Variants in PPARGC1A observed in about 807,000 individuals in gnomAD.
The protein encoded by PPARGC1A is PPARG coactivator 1 alpha.
Under a neutral mutation model 88.7 loss-of-function variants are expected in PPARGC1A, and 25 were observed. The ratio of observed to expected loss-of-function variants is 0.28; its 90% confidence interval spans 0.21 to 0.39. PPARGC1A has a LOEUF of 0.39. Ranked by LOEUF, PPARGC1A falls within the 10% of genes least tolerant of loss-of-function variation. PPARGC1A has a pLI of 1.00. For missense variants in PPARGC1A, 880 were observed against 968.7 expected (o/e 0.91, Z 1.22); for synonymous variants, 363 against 355.6 (o/e 1.02, Z -0.24).
the PPARGC1A span, among the ~76,000 whole-genome samples, chr4:23,938,320 C>T: frequency 6.6e-6 from 1 of 152,176 alleles, no homozygotes; most frequent in Non-Finnish European, 1.5e-5. Flanking sequence ...GGTACACTTC[C>T]TCATTTAGAA....
the PPARGC1A span, among the ~76,000 whole-genome samples, chr4:24,452,553 C>T: frequency 6.6e-6 from 1 of 152,228 alleles, no homozygotes; most frequent in African/African-American, 2.4e-5. Context: ...CTAGGCCACA[C>T]ATTCACCACT....
chr4:24,141,954 C>T, the PPARGC1A span, among the ~76,000 whole-genome samples: 2 of 152,180 alleles, frequency 1.3e-5, no homozygotes. Flanking sequence ...ACTCAAAAAC[C>T]GTGGCATCCA....
At chr4:23,933,304 G>A in the PPARGC1A span, among the ~76,000 whole-genome samples, 14 of 152,186 alleles carry the variant, frequency 9.2e-5, no homozygotes, top group Admixed American at 9.2e-4. Context: ...TATGTAGAAA[G>A]AAAAGTCCTC....
the PPARGC1A span, among the ~76,000 whole-genome samples, chr4:24,162,769 T>C: frequency 6.6e-6 from 1 of 151,878 alleles, no homozygotes; most frequent in Admixed American, 6.6e-5. Flanking sequence ...TTTTTGTATT[T>C]TTTTAGTAGA....
At chr4:24,133,034 C>T in the PPARGC1A span, among the ~76,000 whole-genome samples, 1 of 152,056 alleles carries the variant, frequency 6.6e-6, no homozygotes, top group Non-Finnish European at 1.5e-5. Context: ...GGTCTAAAAG[C>T]AAGAGATTTA....
chr4:23,832,159 C>T (rs1285960115), intron 2 of PPARGC1A, among the ~76,000 whole-genome samples: 1 of 152,146 alleles, frequency 6.6e-6, no homozygotes, highest in Non-Finnish European at 1.5e-5. Flanking sequence ...TTTGAATCTC[C>T]TATACAGCAT....
the PPARGC1A span, among the ~76,000 whole-genome samples, chr4:24,093,557 G>A: frequency 6.6e-6 from 1 of 152,142 alleles, no homozygotes; most frequent in Non-Finnish European, 1.5e-5. Flanking sequence ...AAGGCCAGAA[G>A]ACCAAGTTTC....
chr4:23,809,954 G>A (rs1720570203), intron 10 of PPARGC1A, among the ~76,000 whole-genome samples: 1 of 152,034 alleles, frequency 6.6e-6, no homozygotes, highest in Non-Finnish European at 1.5e-5. Flanking sequence ...CCTTATAATA[G>A]CACTTATCAC....
At chr4:23,883,546 TG>T (rs1382767946) in intron 2 of PPARGC1A, 1 of 152,194 alleles carries the variant, frequency 6.6e-6, no homozygotes, top group Non-Finnish European at 1.5e-5. Flanking sequence ...CTGTGTGATT[TG>T]GGGAAAACAA....
chr4:24,449,764 A>T, the PPARGC1A span, among the ~76,000 whole-genome samples: 1 of 152,228 alleles, frequency 6.6e-6, no homozygotes, highest in Non-Finnish European at 1.5e-5. Flanking sequence ...ATACCACTCT[A>T]TATTAAATAC....
the PPARGC1A span, among the ~76,000 whole-genome samples, chr4:24,395,245 A>T: frequency 6.6e-6 from 1 of 152,226 alleles, no homozygotes; most frequent in Non-Finnish European, 1.5e-5. Context: ...ATCCAAACTG[A>T]TTTTTAATGA....
At chr4:23,883,615 C>A (rs573776903) in intron 2 of PPARGC1A, 1 of 152,094 alleles carries the variant, frequency 6.6e-6, no homozygotes, top group African/African-American at 2.4e-5. Flanking sequence ...AACAATAGGA[C>A]CTAACAATAG....
the PPARGC1A span, among the ~76,000 whole-genome samples, chr4:24,105,143 A>G: frequency 1.3e-5 from 2 of 152,248 alleles, no homozygotes; most frequent in Non-Finnish European, 2.9e-5. Flanking sequence ...TTCTGGCAGA[A>G]AGGCTTGATT....
chr4:24,086,323 C>T, the PPARGC1A span, among the ~76,000 whole-genome samples: 2 of 152,192 alleles, frequency 1.3e-5, no homozygotes, highest in Admixed American at 6.5e-5. Flanking sequence ...CCTCTTTAGA[C>T]TTATGTACCA....
chr4:23,878,008 T>A (rs1460086345), intron 2 of PPARGC1A: 1 of 152,218 alleles, frequency 6.6e-6, no homozygotes, highest in African/African-American at 2.4e-5. Context: ...TACACTATTA[T>A]CTTTGAAGTA....
At chr4:24,064,796 C>T in the PPARGC1A span, among the ~76,000 whole-genome samples, 1 of 152,162 alleles carries the variant, frequency 6.6e-6, no homozygotes, top group South Asian at 2.1e-4. Flanking sequence ...ATATGTGCAT[C>T]TTACTAGCTG....
At chr4:23,937,513 TAAAATAAAATAA>T in the PPARGC1A span, among the ~76,000 whole-genome samples, 16 of 151,490 alleles carry the variant, frequency 1.1e-4, no homozygotes, top group Admixed American at 2.0e-4. Context: ...TAAAATAAAG[TAAAATAAAATAA>T]AAAATAAAAT....
chr4:24,369,244 AT>A, the PPARGC1A span, among the ~76,000 whole-genome samples: 1 of 152,186 alleles, frequency 6.6e-6, no homozygotes, highest in African/African-American at 2.4e-5. Context: ...TCACTCTTAC[AT>A]AGCTAAGAAG....
the PPARGC1A span, among the ~76,000 whole-genome samples, chr4:24,331,968 C>T: frequency 4.0e-5 from 6 of 151,792 alleles, no homozygotes; most frequent in Admixed American, 1.3e-4. Context: ...CGGTGTGTGA[C>T]GTTCCCCTCC....
Sources: gnomAD v4.1 joint callset for allele counts (sites outside exome capture counted in the v4.1 genomes callset) on GRCh38, gnomAD v4.1.1 for gene constraint, MANE v1.5 for transcripts, NCBI Gene and HGNC (gene_info 2026-07-23, HGNC 2026-07-21) for gene names.